The following SCARF2 variants were observed in gnomAD, a reference collection of about 807,000 sequenced individuals.
SCARF2 encodes the protein scavenger receptor expressed by endothelial cells 2 protein.
Under a neutral mutation model 73.4 loss-of-function variants are expected in SCARF2, and 39 were observed. That is an observed-to-expected ratio of 0.53 (90% CI 0.41 to 0.69). SCARF2 has a LOEUF of 0.69. Ranked by LOEUF, SCARF2 falls within the 30% of genes least tolerant of loss-of-function variation. SCARF2 has a pLI of 0.00. For synonymous variants in SCARF2, 605 were observed against 590.0 expected (o/e 1.03, Z -0.37); for missense variants, 1,148 against 1,303.5 (o/e 0.88, Z 1.84).
Position 20,425,542 on chromosome 22 carries a change from G to A in SCARF2, c.2434C>T (p.Pro812Ser). The change falls in exon 11 of 11, where the codon CCC (proline) becomes TCC (serine). Residue 812 changes from proline (P) to serine (S), a missense_variant. Physicochemically the swap from Pro to Ser is moderately conservative, Grantham distance 74. Transcript: ENST00000622235. This position sits in a 1 kb window ranked among gnomAD's most constrained non-coding sequence, Gnocchi z 4.6. ...TCGGTCGCTGGGGGCGCGCGGGCGG[G>A]CGAGGCTGGCGGCACGGAGCGCTTG... ...KAKRSVPPAS[P>S]ARAPPATETP... 2 of 1,340,912 alleles carry A rather than the reference G, an allele frequency of 1.5e-6. No homozygotes were observed. Among genetic ancestry groups the A allele is most frequent in the Non-Finnish European group, 1.9e-6 (2 of 1,049,472 alleles). 83.1% of individuals were successfully genotyped at this position (1,340,912 alleles called of 1,614,324 possible). A position where few individuals can be genotyped will look rare whatever the true frequency, so the allele number is the denominator to read the frequency against.
Position 20,429,677 on chromosome 22 carries a change from G to A in SCARF2, c.1307-24C>T. 6.2e-7 allele frequency: 1 copy of A among 1,614,012 alleles called. No individual in the cohort carries two copies. ...TTCTGTAGGGGGTTATGGGGTCAGC[G>A]CGGTTTCTGGCACCCCCTGCATTCC... On this transcript the variant is annotated intron_variant, in intron 7 of 10. Transcript: ENST00000622235. The surrounding 1 kb of genome is among the most constrained non-coding windows in gnomAD (Gnocchi z 5.2).
At chr22:20,432,038 C>T in intron 1 of SCARF2, 50 bp from the exon 2 acceptor site, 1 of 1,565,920 alleles carries the variant, frequency 6.4e-7, no homozygotes. Context: ...CCCCAGCCCC[C>T]ATCTGCTCCG....
chr22:20,431,178 G>C lies in SCARF2; in HGVS notation c.694C>G (p.Arg232Gly), dbSNP rs753908287. 4 of 1,564,572 alleles carry C rather than the reference G, an allele frequency of 2.6e-6. No individual in the cohort carries two copies. In the African/African-American group the frequency reaches 5.4e-5, roughly 21 times the overall value. The change falls in exon 4 of 11, where the codon CGC becomes GGC. Residue 232 changes from arginine (R) to glycine (G), a missense_variant. By Grantham distance (125) the Arg-to-Gly change is moderately radical. Transcript: ENST00000622235. ...CAGCGCGCGCCGAACGTACGCTCGC[G>C]GCACTGACAGCGGCCGCTCTGCTGC... ...CEQQSGRCQC[R>G]ERTFGARCDR...
rs778478280 is a variant in SCARF2 at position 20,431,512 on chromosome 22, G to A, written c.360C>T (p.Pro120=). ...GGCAGCTACACAGCTCCTTGCAGTC[G>A]GGGCCCCAGAACTGGCGCGGGCACT... ...DTKCPRQFWG[P]DCKELCSCHP... is the part of the protein sequence containing the mutation. The change falls in exon 4 of 11, where the codon CCC becomes CCT. Residue 120 remains proline, a synonymous_variant. Transcript: ENST00000622235. 3 of 1,577,258 alleles carry A rather than the reference G, an allele frequency of 1.9e-6. No homozygotes were observed. Among genetic ancestry groups the A allele is most frequent in the Non-Finnish European group, 2.6e-6 (3 of 1,170,132 alleles).
At chr22:20,426,497 G>A (rs2052580009) in intron 10 of SCARF2, among the ~76,000 whole-genome samples, 1 of 152,248 alleles carries the variant, frequency 6.6e-6, no homozygotes. Flanking sequence ...TGTGCAAGGA[G>A]TGATGGGCGC....
chr22:20,425,587 G>A lies in SCARF2; in HGVS notation c.2389C>T (p.Pro797Ser). The change falls in exon 11 of 11, where the codon CCG (proline) becomes TCG (serine). Residue 797 changes from proline to serine, a missense_variant. Physicochemically the swap from Pro to Ser is moderately conservative, Grantham distance 74. Around this residue, in one of 5 missense-constraint regions of SCARF2, gnomAD observed 169 missense variants for 136.9 expected, o/e 1.23. Coordinates refer to ENST00000622235, the MANE Select transcript of SCARF2 (RefSeq NM_182895.5). The surrounding 1 kb of genome is among the most constrained non-coding windows in gnomAD (Gnocchi z 4.6). ...ALGAQGPREK[P>S]APPQKAKRSV... ...CGCTTGGCTTTCTGTGGGGGCGCCGGCTTTTCCCTGGGGCCCTGCGCGCCC... is the reference window on the plus strand; with the variant it reads ...CGCTTGGCTTTCTGTGGGGGCGCCGACTTTTCCCTGGGGCCCTGCGCGCCC... 2 of 1,343,758 alleles carry A rather than the reference G, an allele frequency of 1.5e-6. No homozygotes were observed. Among genetic ancestry groups the A allele is most frequent in the Non-Finnish European group, 1.9e-6 (2 of 1,052,050 alleles). The allele number at this position is 1,343,758 out of a possible 1,614,324, so 83.2% of individuals were successfully genotyped here.
In SCARF2 at chr22:20,431,019, G is replaced by C. The variant is rs952414401; in HGVS notation, c.853C>G (p.Arg285Gly). Residue 285 changes from arginine to glycine, a missense_variant and splice_region_variant, in exon 4 of 11, where the codon CGG becomes GGG. Physicochemically the swap from Arg to Gly is moderately radical, Grantham distance 125 (BLOSUM62 -2). This residue lies in a region of SCARF2 where 372 missense variants were observed against 532.0 expected (regional missense o/e 0.70). Transcript: ENST00000622235. The part of the protein sequence containing the change: ...AGFYGLGCRR[R>G]CGQCKGQQPC... ...CCCTGGCCGAGAGACCGCGCTTACC[G>C]GCGGCGACAGCCCAAGCCGTAGAAG... is the stretch of plus-strand genomic sequence containing the variant. 3.2e-6 allele frequency: 5 copies of C among 1,558,790 alleles called. No individual in the cohort carries two copies. The South Asian group carries it at 3.5e-5, about 11-fold the overall frequency.
At chr22:20,432,050 G>A (rs2052656063) in intron 1 of SCARF2, 62 bp from the exon 2 acceptor site, 1 of 1,520,530 alleles carries the variant, frequency 6.6e-7, no homozygotes, top group African/African-American at 1.4e-5. Flanking sequence ...TCTGCTCCGG[G>A]CTCCTCCGCA....
In SCARF2 at chr22:20,429,907, G is replaced by A; in HGVS notation, c.1203-74C>T. The A allele has an allele frequency of 6.8e-7, 1 of 1,470,846 alleles. No homozygotes were observed. The highest frequency in any genetic ancestry group is 9.3e-7 in the Non-Finnish European group (1 of 1,078,986). 91.1% of individuals were successfully genotyped at this position (1,470,846 alleles called of 1,614,324 possible). A position where few individuals can be genotyped will look rare whatever the true frequency, so the allele number is the denominator to read the frequency against. On this transcript the variant is annotated intron_variant, in intron 6 of 10. Coordinates refer to ENST00000622235, the MANE Select transcript of SCARF2 (RefSeq NM_182895.5). The surrounding 1 kb of genome is among the most constrained non-coding windows in gnomAD (Gnocchi z 5.2). ...CCCCCTACCCTCACCCCTCACCCGC[G>A]GCCAGGGCCCAGGGTCCAGGGTCCC...
In SCARF2 at chr22:20,429,576, C is replaced by T. The variant is rs748989949; in HGVS notation, c.1384G>A (p.Gly462Ser). Reference protein sequence around the residue: ...LLVCLLLSLLGCCCACRGKDP... With the variant: ...LLVCLLLSLLSCCCACRGKDP... ...TTGCCGCGGCAAGCGCAGCAGCAGC[C>T]GAGCAGCGAGAGCAGCAGGCAGACG... The change falls in exon 8 of 11, where the codon GGC (glycine) becomes AGC (serine). Residue 462 changes from glycine to serine, a missense_variant. By Grantham distance (56) the Gly-to-Ser change is moderately conservative. Around this residue, in one of 5 missense-constraint regions of SCARF2, gnomAD observed 437 missense variants for 433.6 expected, o/e 1.01. Transcript: ENST00000622235. This position sits in a 1 kb window ranked among gnomAD's most constrained non-coding sequence, Gnocchi z 5.2. 2.5e-6 allele frequency: 4 copies of T among 1,613,306 alleles called. No homozygotes were observed. Among genetic ancestry groups the T allele is most frequent in the Admixed American group, 3.3e-5 (2 of 60,008 alleles).
At position 20,430,911 on chromosome 22, in the gene SCARF2, G is replaced by T; in HGVS notation, c.855-3C>A. ...GCTGGCCCTTGCACTGGCCACACCT[G>T]GGGGAGGGGTCGGAGGCTAGGGAAG... is the stretch of plus-strand genomic sequence containing the variant. On this transcript the variant is annotated splice_polypyrimidine_tract_variant and splice_region_variant and intron_variant, in intron 4 of 10. Coordinates refer to ENST00000622235, the MANE Select transcript of SCARF2 (RefSeq NM_182895.5). The T allele has an allele frequency of 1.3e-6, 2 of 1,590,014 alleles. No individual in the cohort carries two copies. The highest frequency in any genetic ancestry group is 8.5e-7 in the Non-Finnish European group (1 of 1,172,278).
chr22:20,429,284 C>G lies in SCARF2; in HGVS notation c.1481G>C (p.Arg494Pro). Residue 494 changes from arginine (R) to proline (P), a missense_variant, in exon 9 of 11, where the codon CGC becomes CCC. Arg to Pro is a moderately radical substitution (Grantham distance 103). Around this residue, in one of 5 missense-constraint regions of SCARF2, gnomAD observed 437 missense variants for 433.6 expected, o/e 1.01. Coordinates refer to ENST00000622235, the MANE Select transcript of SCARF2 (RefSeq NM_182895.5). The surrounding 1 kb of genome is among the most constrained non-coding windows in gnomAD (Gnocchi z 5.2). ...GATCCGGGGCAGCTTCATGCTGATG[C>G]GACTGAAGCGCCCGCATAGTCGGTG... The part of the protein sequence containing the change: ...APHRLCGRFS[R>P]ISMKLPRIPL... The G allele has an allele frequency of 6.2e-7, 1 of 1,613,560 alleles. No individual in the cohort carries two copies. The highest frequency in any genetic ancestry group is 1.1e-5 in the South Asian group (1 of 91,080).
rs1259601614 is a variant in SCARF2, at chr22:20,429,597, A to C, written c.1363T>G (p.Cys455Gly). ...CAGCCGAGCAGCGAGAGCAGCAGGCAGACGAGCAGGACGAGCAGCGCGCCC... is the reference window on the plus strand; with the variant it reads ...CAGCCGAGCAGCGAGAGCAGCAGGCCGACGAGCAGGACGAGCAGCGCGCCC... ...GAGALLVLLVCLLLSLLGCCC... is the reference protein window; with the variant it reads ...GAGALLVLLVGLLLSLLGCCC... The change falls in exon 8 of 11, where the codon TGC becomes GGC. Residue 455 changes from cysteine (C) to glycine (G), a missense_variant. Cys to Gly is a radical substitution (Grantham distance 159). Coordinates refer to ENST00000622235, the MANE Select transcript of SCARF2 (RefSeq NM_182895.5). The surrounding 1 kb of genome is among the most constrained non-coding windows in gnomAD (Gnocchi z 5.2). The C allele has an allele frequency of 8.7e-6, 14 of 1,613,458 alleles. No individual in the cohort carries two copies. In the East Asian group the frequency reaches 2.9e-4, roughly 33 times the overall value.
At chr22:20,428,109 C>T (rs533557964) in intron 9 of SCARF2, among the ~76,000 whole-genome samples, 4 of 152,312 alleles carry the variant, frequency 2.6e-5, no homozygotes, top group Admixed American at 1.3e-4. Flanking sequence ...GGTCCACTCC[C>T]CACACCTATG....
At chr22:20,427,813 G>A (rs906353208) in intron 9 of SCARF2, among the ~76,000 whole-genome samples, 2 of 152,228 alleles carry the variant, frequency 1.3e-5, no homozygotes, top group African/African-American at 4.8e-5. Context: ...GGAAAAGGTT[G>A]GGCTGACGTG....
Position 20,431,231 on chromosome 22 carries a change from T to C in SCARF2, c.641A>G (p.Gln214Arg). The C allele has an allele frequency of 6.4e-7, 1 of 1,558,388 alleles. No homozygotes were observed. Among genetic ancestry groups the C allele is most frequent in the Non-Finnish European group, 8.6e-7 (1 of 1,160,552 alleles). The change falls in exon 4 of 11, where the codon CAG (glutamine) becomes CGG (arginine). Residue 214 changes from glutamine to arginine, a missense_variant. Coordinates refer to ENST00000622235, the MANE Select transcript of SCARF2 (RefSeq NM_182895.5). Reference sequence around the variant, plus strand: ...GCAGGGAGACGAGTTGCAGGCGCACTGGTTGTTGCAGCTGCGGCCCCACCA... The same window carrying C: ...GCAGGGAGACGAGTTGCAGGCGCACCGGTTGTTGCAGCTGCGGCCCCACCA... ...AGWWGRSCNN[Q>R]CACNSSPCEQ... is the part of the protein sequence containing the mutation.
chr22:20,437,526 A>T (rs2052714013), intron 1 of SCARF2, 56 bp downstream of exon 1: 1 of 1,516,654 alleles, frequency 6.6e-7, no homozygotes, highest in Non-Finnish European at 8.8e-7. Context: ...CGGCGCCGCC[A>T]CACCACTGCC....
At chr22:20,432,431 G>A (rs578009482) in intron 1 of SCARF2, among the ~76,000 whole-genome samples, 7 of 152,198 alleles carry the variant, frequency 4.6e-5, no homozygotes, top group Non-Finnish European at 8.8e-5. Context: ...TGATGAGGAC[G>A]GCACTAGGAC....
rs748444087 is a variant in SCARF2, at chr22:20,426,222, G to A, written c.1754C>T (p.Pro585Leu). Residue 585 changes from proline (P) to leucine (L), a missense_variant, in exon 11 of 11, where the codon CCG becomes CTG. Physicochemically the swap from Pro to Leu is moderately conservative, Grantham distance 98. This residue lies in a region of SCARF2 where 437 missense variants were observed against 433.6 expected (regional missense o/e 1.01). Coordinates refer to ENST00000622235, the MANE Select transcript of SCARF2 (RefSeq NM_182895.5). Reference protein sequence around the residue: ...VPTVPAEAPAPSPVPLTTPAS... With the variant: ...VPTVPAEAPALSPVPLTTPAS... Reference sequence around the variant, plus strand: ...TGGCGTGGTCAAGGGCACAGGGGACGGCGCCGGCGCCTCGGCAGGGACAGT... The same window carrying A: ...TGGCGTGGTCAAGGGCACAGGGGACAGCGCCGGCGCCTCGGCAGGGACAGT... 3.3e-6 allele frequency: 5 copies of A among 1,533,250 alleles called. No individual in the cohort carries two copies. In the African/African-American group the frequency reaches 5.5e-5, roughly 17 times the overall value. 95.0% of individuals were successfully genotyped at this position (1,533,250 alleles called of 1,614,324 possible).
Sources: allele counts gnomAD v4.1 joint callset (sites outside exome capture counted in the v4.1 genomes callset), GRCh38; gene constraint gnomAD v4.1.1; regional missense constraint gnomAD v4.1.1; non-coding constraint Gnocchi (gnomAD v3.1); transcripts MANE v1.5; gene names NCBI Gene and HGNC (gene_info 2026-07-23, HGNC 2026-07-21).